The following PPFIA4 variants were observed in gnomAD, a reference collection of about 807,000 sequenced individuals.
PPFIA4 encodes PPFI scaffold protein A4, also known as liprin-alpha-4.
In PPFIA4, 98 loss-of-function variants were observed where a neutral mutation model predicts 145.7. That is an observed-to-expected ratio of 0.67 (90% CI 0.57 to 0.80). The LOEUF is 0.80. PPFIA4 is among the 30% of genes least tolerant of loss of function. PPFIA4 has a pLI of 0.00. For missense variants in PPFIA4, 1,457 were observed against 1,632.7 expected (o/e 0.89, Z 1.85); for synonymous variants, 628 against 649.6 (o/e 0.97, Z 0.51).
At position 203,046,397 on chromosome 1, in the gene PPFIA4, G is replaced by A; in HGVS notation, c.1140+15G>A. 1 of 1,577,744 alleles carries A rather than the reference G, an allele frequency of 6.3e-7. No homozygotes were observed. The highest frequency in any genetic ancestry group is 8.6e-7 in the Non-Finnish European group (1 of 1,163,238). On this transcript the variant is annotated intron_variant, in intron 9 of 29. Coordinates refer to ENST00000295706, the MANE Select transcript of PPFIA4 (RefSeq NM_001304331.2). Reference sequence around the variant, plus strand: ...CCCTCACCAAGGCAAGTGGGCCAGGGGCCTGGGATCTGCCTCTGTCCCCCA... The same window carrying A: ...CCCTCACCAAGGCAAGTGGGCCAGGAGCCTGGGATCTGCCTCTGTCCCCCA...
At chr1:203,046,664 T>C (rs1053514794) in intron 9 of PPFIA4, among the ~76,000 whole-genome samples, 45 of 150,904 alleles carry the variant, frequency 3.0e-4, no homozygotes, top group African/African-American at 1.0e-3. Flanking sequence ...TCTTTTTCTT[T>C]TTTTTTTTTT....
At chr1:203,050,468 G>A (rs1660426529) in intron 13 of PPFIA4, among the ~76,000 whole-genome samples, 1 of 152,164 alleles carries the variant, frequency 6.6e-6, no homozygotes. Context: ...GCCACTCAAG[G>A]TTCATGGCTC....
At chr1:203,067,052 T>C (rs1324970086) in intron 25 of PPFIA4, among the ~76,000 whole-genome samples, 3 of 152,196 alleles carry the variant, frequency 2.0e-5, no homozygotes, top group East Asian at 1.9e-4. Flanking sequence ...TGAGTTGGAC[T>C]GAGAAGGTGA....
In PPFIA4 at chr1:203,042,335, A is replaced by G. The variant is rs1394090936; in HGVS notation, c.235-1062A>G. Among the ~76,000 whole-genome samples, 7 of 152,320 alleles carry G rather than the reference A, an allele frequency of 4.6e-5. No individual in the cohort carries two copies. The East Asian group carries it at 1.2e-3, about 25-fold the overall frequency. ...GTCTCTGAAGTTATCTGGGCCTGAC[A>G]GTGTGGAAATGGGCCCCTCTAGAAG... On this transcript the variant is annotated intron_variant, in intron 2 of 29. Transcript: ENST00000295706.
chr1:203,035,157 TCCGA>T (rs1659137815), intron 1 of PPFIA4: 2 of 384,300 alleles, frequency 5.2e-6, no homozygotes, highest in Admixed American at 6.1e-5. Flanking sequence ...TGGGTGGGTG[TCCGA>T]CCCTCCTGTT....
In PPFIA4 at chr1:203,075,125, A is replaced by G. The variant is rs77825912; in HGVS notation, c.3394-452A>G. ...GCCAGGTGTCTGACTCCCGCCCGAC[A>G]TAGTACTCTTCTGGTATACTGGGCT... On this transcript the variant is annotated intron_variant, in intron 28 of 29. Coordinates refer to ENST00000295706, the MANE Select transcript of PPFIA4 (RefSeq NM_001304331.2). This position sits in a 1 kb window ranked among gnomAD's most constrained non-coding sequence, Gnocchi z 4.1. Among the ~76,000 whole-genome samples, 1 of 152,272 alleles carries G rather than the reference A, an allele frequency of 6.6e-6. No homozygotes were observed. The highest frequency in any genetic ancestry group is 2.1e-4 in the South Asian group (1 of 4,832).
Position 203,035,504 on chromosome 1 carries a change from C to CT in PPFIA4, c.-399-3106_-399-3105insT, listed in dbSNP as rs397811222. 5.0e-5 allele frequency: 22 copies of CT among 442,856 alleles called. 1 individual carries two copies. The highest frequency in any genetic ancestry group is 3.1e-4 in the South Asian group (20 of 63,862). The allele number at this position is 442,856 out of a possible 1,614,324, so 27.4% of individuals were successfully genotyped here. On this transcript the variant is annotated intron_variant, in intron 1 of 29. Transcript: ENST00000295706. ...TACTTTTTGTCCAATCCCCCACCCC[C>CT]ACACACGCACACTCACACCCACTCA...
At chr1:203,042,639 T>C (rs180904704) in intron 2 of PPFIA4, among the ~76,000 whole-genome samples, 26 of 152,314 alleles carry the variant, frequency 1.7e-4, no homozygotes, top group African/African-American at 6.0e-4. Context: ...CTTTTATTTA[T>C]TTATTTTTAT....
At chr1:203,074,125 G>C (rs1662360524) in intron 28 of PPFIA4, among the ~76,000 whole-genome samples, 1 of 152,182 alleles carries the variant, frequency 6.6e-6, no homozygotes, top group Non-Finnish European at 1.5e-5. Flanking sequence ...GTGAGAAAAG[G>C]AGGAGGAAAG....
At chr1:203,056,319 G>A in intron 17 of PPFIA4, 56 bp from the exon 18 acceptor site, 1 of 1,603,832 alleles carries the variant, frequency 6.2e-7, no homozygotes, top group Admixed American at 1.7e-5. Context: ...TCTGGGCTGG[G>A]TAGGCAGGCC....
Position 203,063,948 on chromosome 1 carries a change from C to T in PPFIA4, c.2995C>T (p.His999Tyr). 2 of 1,614,024 alleles carry T rather than the reference C, an allele frequency of 1.2e-6. No individual in the cohort carries two copies. Among genetic ancestry groups the T allele is most frequent in the Non-Finnish European group, 1.7e-6 (2 of 1,179,908 alleles). ...ECLVDARMLD[H>Y]LTKKDLRVHL... ...CCTGGTGGACGCCCGCATGCTGGACCACCTCACCAAGAAGGACCTGCGGGT... is the reference window on the plus strand; with the variant it reads ...CCTGGTGGACGCCCGCATGCTGGACTACCTCACCAAGAAGGACCTGCGGGT... Residue 999 changes from histidine to tyrosine, a missense_variant, in exon 25 of 30, where the codon CAC (histidine) becomes TAC (tyrosine). His to Tyr is a moderately conservative substitution (Grantham distance 83). Coordinates refer to ENST00000295706, the MANE Select transcript of PPFIA4 (RefSeq NM_001304331.2).
intron 9 of PPFIA4, among the ~76,000 whole-genome samples, chr1:203,047,136 C>T (rs562252850): frequency 4.6e-5 from 7 of 152,178 alleles, no homozygotes; most frequent in Non-Finnish European, 2.9e-5. Flanking sequence ...GCACAGTGCT[C>T]GGAAGGGAGA....
chr1:203,043,556 G>T lies in PPFIA4; in HGVS notation c.336+58G>T, dbSNP rs754208173. On this transcript the variant is annotated intron_variant, in intron 3 of 29. Coordinates refer to ENST00000295706, the MANE Select transcript of PPFIA4 (RefSeq NM_001304331.2). This position sits in a 1 kb window ranked among gnomAD's most constrained non-coding sequence, Gnocchi z 4.4. Reference sequence around the variant, plus strand: ...CACGTGTGTGTGTGTGTGTATGGGGGTGTGTTGTGAACACCTTGACCAAGA... The same window carrying T: ...CACGTGTGTGTGTGTGTGTATGGGGTTGTGTTGTGAACACCTTGACCAAGA... 3.7e-5 allele frequency: 54 copies of T among 1,469,728 alleles called. No individual in the cohort carries two copies. Among genetic ancestry groups the T allele is most frequent in the Non-Finnish European group, 4.8e-5 (51 of 1,071,578 alleles). 91.0% of individuals were successfully genotyped at this position (1,469,728 alleles called of 1,614,324 possible). A position where few individuals can be genotyped will look rare whatever the true frequency, so the allele number is the denominator to read the frequency against.
At chr1:203,028,660 C>T (rs1364438935) in intron 1 of PPFIA4, among the ~76,000 whole-genome samples, 5 of 151,500 alleles carry the variant, frequency 3.3e-5, no homozygotes, top group Admixed American at 1.3e-4. Context: ...TGTGTGCACA[C>T]GCGTGTGTGA....
chr1:203,053,528 A>G lies in PPFIA4; in HGVS notation c.1621-225A>G, dbSNP rs941469565. Among the ~76,000 whole-genome samples, 6 of 145,698 alleles carry G rather than the reference A, an allele frequency of 4.1e-5. No individual in the cohort carries two copies. In the East Asian group the frequency reaches 1.2e-3, roughly 29 times the overall value. On this transcript the variant is annotated intron_variant, in intron 14 of 29. Coordinates refer to ENST00000295706, the MANE Select transcript of PPFIA4 (RefSeq NM_001304331.2). ...AGCCTGGGTGACAGAGGGAGACTCCATCTCAAAAAACAAACAAACCAAAAA... is the reference window on the plus strand; with the variant it reads ...AGCCTGGGTGACAGAGGGAGACTCCGTCTCAAAAAACAAACAAACCAAAAA...
chr1:203,072,127 A>G (rs544603066), intron 28 of PPFIA4, among the ~76,000 whole-genome samples: 1 of 152,242 alleles, frequency 6.6e-6, no homozygotes, highest in East Asian at 1.9e-4. Context: ...CAGACCATGT[A>G]TCTTCAGTGC....
chr1:203,064,479 C>G (rs929819300), intron 25 of PPFIA4, among the ~76,000 whole-genome samples: 6 of 152,156 alleles, frequency 3.9e-5, no homozygotes, highest in African/African-American at 1.4e-4. Flanking sequence ...GGGCTCACAT[C>G]CCTTTTTATA....
Position 203,060,389 on chromosome 1 carries a change from G to A in PPFIA4, c.2756G>A (p.Ser919Asn), listed in dbSNP as rs1157350448. Residue 919 changes from serine to asparagine, a missense_variant, in exon 22 of 30, where the codon AGC (serine) becomes AAC (asparagine). By Grantham distance (46) the Ser-to-Asn change is conservative. Transcript: ENST00000295706. This position sits in a 1 kb window ranked among gnomAD's most constrained non-coding sequence, Gnocchi z 4.8. The part of the protein sequence containing the change: ...LAIQEMVSLT[S>N]PSAPPTSRTS... ...ATTCAGGAGATGGTGTCATTGACCA[G>A]CCCCTCTGCCCCACCCACCTCCAGG... is the stretch of plus-strand genomic sequence containing the variant. 3.7e-6 allele frequency: 6 copies of A among 1,613,544 alleles called. No homozygotes were observed. The Admixed American group carries it at 8.3e-5, about 22-fold the overall frequency.
rs1309267554 is a variant in PPFIA4 at position 203,056,562 on chromosome 1, C to A, written c.2240+54C>A. ...TCTCCATCCACAGGGTCCTCTCCTC[C>A]CTTCCTCTGCCTCTGCAGGGACCGC... On this transcript the variant is annotated intron_variant, in intron 18 of 29. Transcript: ENST00000295706. The A allele has an allele frequency of 3.2e-6, 5 of 1,582,806 alleles. No individual in the cohort carries two copies. The East Asian group carries it at 9.1e-5, about 29-fold the overall frequency.
Sources: allele counts gnomAD v4.1 joint callset (sites outside exome capture counted in the v4.1 genomes callset), GRCh38; gene constraint gnomAD v4.1.1; non-coding constraint Gnocchi (gnomAD v3.1); transcripts MANE v1.5; gene names NCBI Gene and HGNC (gene_info 2026-07-23, HGNC 2026-07-21).